RHBDL2: variants seen among roughly 807,000 people sequenced by gnomAD.
RHBDL2 encodes the protein rhomboid-related protein 2.
A neutral mutation model predicts 31.7 loss-of-function variants in RHBDL2; 26 were observed. The ratio of observed to expected loss-of-function variants is 0.82; its 90% confidence interval spans 0.60 to 1.14. The LOEUF is 1.14. Ranked by LOEUF, RHBDL2 falls within the 50% of genes most tolerant of loss-of-function variation. The pLI is 0.00. For missense variants in RHBDL2, 336 were observed against 364.4 expected, an observed-to-expected ratio of 0.92 and a Z score of 0.63; for synonymous variants, 123 against 127.2, an observed-to-expected ratio of 0.97 and a Z score of 0.22.
chr1:38,897,779 A>G (rs1305854690), intron 4 of RHBDL2, among the ~76,000 whole-genome samples: 2 of 152,208 alleles, frequency 1.3e-5, no homozygotes, highest in African/African-American at 2.4e-5. Flanking sequence ...CAGGACTTAG[A>G]GAACTGGAAA....
chr1:38,931,076 G>C (rs1250514404), intron 1 of RHBDL2, among the ~76,000 whole-genome samples: 1 of 152,206 alleles, frequency 6.6e-6, no homozygotes, highest in Admixed American at 6.5e-5. Flanking sequence ...CATCTGAAGA[G>C]ACTTAAATGT....
chr1:38,895,753 T>G (rs4532801), intron 5 of RHBDL2, among the ~76,000 whole-genome samples: 80,976 of 151,866 alleles, frequency 0.53, 23,853 homozygotes, highest in Non-Finnish European at 0.67. Flanking sequence ...CAGTGAGCCA[T>G]TATCACACCA....
intron 1 of RHBDL2, chr1:38,929,714 A>G (rs765986285): frequency 8.8e-6 from 3 of 339,798 alleles, no homozygotes; most frequent in Non-Finnish European, 1.3e-5. Flanking sequence ...TGGTGTTGCT[A>G]GGCGCCTGGG....
rs546440686 is a variant in RHBDL2, at chr1:38,934,270, C to T, written c.-126+7412G>A. Among the ~76,000 whole-genome samples, 20 of 151,968 alleles carry T rather than the reference C, an allele frequency of 1.3e-4. No homozygotes were observed. In the East Asian group the frequency reaches 3.3e-3, roughly 25 times the overall value. ...GGCTGAGGCAAGAGAATCGCTTGAA[C>T]TTAAGAGGCAGAGGTTGCAGTGAGT... On this transcript the variant is annotated intron_variant, in intron 1 of 7. Transcript: ENST00000372990.
chr1:38,909,293 CCCT>C (rs1643111065), intron 4 of RHBDL2, among the ~76,000 whole-genome samples: 1 of 152,132 alleles, frequency 6.6e-6, no homozygotes, highest in African/African-American at 2.4e-5. Flanking sequence ...AGGCACTATG[CCCT>C]CCTCTACCCA....
chr1:38,912,780 C>T (rs1386908351), intron 3 of RHBDL2, among the ~76,000 whole-genome samples: 1 of 151,190 alleles, frequency 6.6e-6, no homozygotes, highest in Non-Finnish European at 1.5e-5. Context: ...TAGCCATTAT[C>T]TCATTTAATC....
rs571952225 is a variant in RHBDL2 at position 38,937,238 on chromosome 1, G to A, written c.-126+4444C>T. ...TGGGATTACAGGCGTGAGCCACCGC[G>A]CCTGGCCCCTGGCCGAGTATTCTTA... On this transcript the variant is annotated intron_variant, in intron 1 of 7. Transcript: ENST00000372990. Among the ~76,000 whole-genome samples, 12 of 152,062 alleles carry A rather than the reference G, an allele frequency of 7.9e-5. No individual in the cohort carries two copies. The East Asian group carries it at 1.2e-3, about 15-fold the overall frequency.
chr1:38,901,519 CAAAA>C (rs1167414200), intron 4 of RHBDL2, among the ~76,000 whole-genome samples: 3 of 144,620 alleles, frequency 2.1e-5, no homozygotes, highest in Non-Finnish European at 4.6e-5. Context: ...AGAAAGAAAA[CAAAA>C]GAAAGAAAAA....
intron 1 of RHBDL2, among the ~76,000 whole-genome samples, chr1:38,936,948 G>A (rs1643517521): frequency 6.9e-6 from 1 of 145,654 alleles, no homozygotes; most frequent in Admixed American, 6.9e-5. Flanking sequence ...ATTCTCGAGT[G>A]TTCTTTTTTT....
chr1:38,930,066 A>C (rs1389247960), intron 1 of RHBDL2, among the ~76,000 whole-genome samples: 1 of 152,238 alleles, frequency 6.6e-6, no homozygotes, highest in African/African-American at 2.4e-5. Context: ...GCTAAGGTAG[A>C]GAACTCTGCT....
At position 38,915,603 on chromosome 1, in the gene RHBDL2, C is replaced by T. The variant is rs1643222404; in HGVS notation, c.354G>A (p.Glu118=). The stretch of plus-strand genomic sequence containing the variant: ...TGTATGAGATAAACCTCCAGGCTTC[C>T]TCCCTCTTCTCAGGACTGTAGATAA... ...SPFIYSPEKR[E]EAWRFISYML... Residue 118 remains glutamate (E), a synonymous_variant, in exon 3 of 8, where the codon GAG becomes GAA. Transcript: ENST00000372990. 6.2e-7 allele frequency: 1 copy of T among 1,614,162 alleles called. No homozygotes were observed. Among genetic ancestry groups the T allele is most frequent in the Non-Finnish European group, 8.5e-7 (1 of 1,180,008 alleles).
chr1:38,926,268 G>T (rs1643373532), intron 1 of RHBDL2: 2 of 988,446 alleles, frequency 2.0e-6, no homozygotes, highest in Non-Finnish European at 2.5e-6. Flanking sequence ...TGCCACTGGG[G>T]TCAGCATGGC....
chr1:38,933,358 G>A lies in RHBDL2; in HGVS notation c.-126+8324C>T, dbSNP rs1005102068. The stretch of plus-strand genomic sequence containing the variant: ...AAGTCTCCCCTGCCCATGCCTTCCC[G>A]CACCCCTATATGCTCTACTACATTT... On this transcript the variant is annotated intron_variant, in intron 1 of 7. Coordinates refer to ENST00000372990, the MANE Select transcript of RHBDL2 (RefSeq NM_017821.5). Among the ~76,000 whole-genome samples the A allele has an allele frequency of 3.9e-5, 6 of 152,050 alleles. 1 individual carries two copies. The highest frequency in any genetic ancestry group is 7.4e-5 in the Non-Finnish European group (5 of 67,966).
intron 4 of RHBDL2, among the ~76,000 whole-genome samples, chr1:38,906,881 C>T (rs1026456904): frequency 2.6e-5 from 4 of 152,058 alleles, no homozygotes; most frequent in African/African-American, 9.7e-5. Context: ...AAAATTCCAG[C>T]AAGAATTTCT....
At chr1:38,888,966 G>A (rs1197430952) in intron 6 of RHBDL2, among the ~76,000 whole-genome samples, 1 of 152,184 alleles carries the variant, frequency 6.6e-6, no homozygotes, top group Non-Finnish European at 1.5e-5. Flanking sequence ...AAGGTTGTGG[G>A]TGATGAGGTC....
chr1:38,906,642 C>A (rs536264928), intron 4 of RHBDL2, among the ~76,000 whole-genome samples: 103 of 151,596 alleles, frequency 6.8e-4, no homozygotes, highest in African/African-American at 2.3e-3. Context: ...CCACTGCACT[C>A]CAGCCTGGGC....
At chr1:38,939,793 T>G (rs1252820775) in intron 1 of RHBDL2, among the ~76,000 whole-genome samples, 1 of 152,048 alleles carries the variant, frequency 6.6e-6, no homozygotes, top group Non-Finnish European at 1.5e-5. Context: ...TCTCCCACCT[T>G]GGCCTCCTAA....
chr1:38,917,988 G>A (rs952660993), intron 2 of RHBDL2, among the ~76,000 whole-genome samples: 2 of 152,124 alleles, frequency 1.3e-5, no homozygotes, highest in African/African-American at 4.8e-5. Context: ...CTAGAGAAAA[G>A]ATTGTCCTCT....
At chr1:38,902,366 A>G (rs2124314112) in intron 4 of RHBDL2, among the ~76,000 whole-genome samples, 1 of 148,676 alleles carries the variant, frequency 6.7e-6, no homozygotes, top group Non-Finnish European at 1.5e-5. Context: ...CCACCAAGCT[A>G]ATTTTTGTTT....
Sources: gnomAD v4.1 joint callset for allele counts (sites outside exome capture counted in the v4.1 genomes callset) on GRCh38, gnomAD v4.1.1 for gene constraint, MANE v1.5 for transcripts, NCBI Gene and HGNC (gene_info 2026-07-23, HGNC 2026-07-21) for gene names.